Variants in CNOT6L observed in about 807,000 individuals in gnomAD.
CNOT6L encodes the protein CCR4-NOT transcription complex subunit 6 like.
Under a neutral mutation model 64.0 loss-of-function variants are expected in CNOT6L, and 7 were observed. The observed-to-expected ratio is 0.11, with a 90% CI of 0.06 to 0.21. The LOEUF (loss-of-function observed/expected upper bound fraction) is 0.21. Ranked by LOEUF, CNOT6L falls within the 10% of genes least tolerant of loss-of-function variation. CNOT6L has a pLI of 1.00. For synonymous variants in CNOT6L, 193 were observed against 243.4 expected (o/e 0.79, Z 1.93); for missense variants, 245 against 669.0 (o/e 0.37, Z 6.99).
intron 1 of CNOT6L, among the ~76,000 whole-genome samples, chr4:77,800,490 G>A (rs896350573): frequency 5.3e-5 from 8 of 151,312 alleles, no homozygotes; most frequent in Admixed American, 2.6e-4. Context: ...GCCTGTGAGC[G>A]ACAAAGCAAG....
At chr4:77,792,555 G>A (rs1469723952) in intron 1 of CNOT6L, among the ~76,000 whole-genome samples, 3 of 151,712 alleles carry the variant, frequency 2.0e-5, no homozygotes, top group Non-Finnish European at 4.4e-5. Flanking sequence ...GTGAAACCCC[G>A]TCTCTACTAA....
intron 11 of CNOT6L, among the ~76,000 whole-genome samples, chr4:77,724,184 CCT>C (rs1246230808): frequency 6.6e-6 from 1 of 151,218 alleles, no homozygotes; most frequent in Non-Finnish European, 1.5e-5. Context: ...AAAAAAAACC[CCT>C]CAAAAATACA....
At chr4:77,782,811 A>C (rs374650957) in intron 1 of CNOT6L, among the ~76,000 whole-genome samples, 2 of 152,078 alleles carry the variant, frequency 1.3e-5, no homozygotes, top group East Asian at 3.9e-4. Context: ...CACAACTATT[A>C]ATCATTACAA....
intron 2 of CNOT6L, 48 bp downstream of exon 2, chr4:77,776,223 G>T: frequency 1.3e-6 from 2 of 1,577,488 alleles, no homozygotes; most frequent in Non-Finnish European, 1.7e-6. Context: ...CTCAACTTTT[G>T]TATTATCACT....
rs1725467398 is a variant in CNOT6L, at chr4:77,755,554, A to G, written c.490+1308T>C. 2.0e-5 allele frequency among the ~76,000 whole-genome samples: 3 copies of G among 152,148 alleles called. No individual in the cohort carries two copies. In the South Asian group the frequency reaches 6.2e-4, roughly 32 times the overall value. ...AAAGTAAGTTAGAAACAGCATACACATGCTATGTATACAGCTTCATTAAAT... is the reference window on the plus strand; with the variant it reads ...AAAGTAAGTTAGAAACAGCATACACGTGCTATGTATACAGCTTCATTAAAT... On this transcript the variant is annotated intron_variant, in intron 5 of 11. Transcript: ENST00000504123.
At chr4:77,791,035 CG>C (rs1260939155) in intron 1 of CNOT6L, among the ~76,000 whole-genome samples, 1 of 151,920 alleles carries the variant, frequency 6.6e-6, no homozygotes, top group African/African-American at 2.4e-5. Context: ...CCCAGCACTT[CG>C]GGAGGCTGAG....
chr4:77,803,034 C>T (rs1731771290), intron 1 of CNOT6L, among the ~76,000 whole-genome samples: 1 of 151,874 alleles, frequency 6.6e-6, no homozygotes, highest in East Asian at 1.9e-4. Flanking sequence ...TAAACAAAGT[C>T]AAAAAACAAA....
Position 77,736,269 on chromosome 4 carries a change from TAA to T in CNOT6L, c.873-4733_873-4732del, listed in dbSNP as rs748649087. Among the ~76,000 whole-genome samples the T allele has an allele frequency of 1.6e-4, 24 of 152,314 alleles. No homozygotes were observed. In the East Asian group the frequency reaches 2.7e-3, roughly 17 times the overall value. On this transcript the variant is annotated intron_variant, in intron 8 of 11. Coordinates refer to ENST00000504123, the MANE Select transcript of CNOT6L (RefSeq NM_144571.3). The stretch of plus-strand genomic sequence containing the variant: ...AGAGTTGAAAACTAGTTGAACCAAA[TAA>T]AGTTCCTTCTTTCTAGTAAATAAGA...
intron 1 of CNOT6L, among the ~76,000 whole-genome samples, chr4:77,776,774 T>C (rs1018807861): frequency 4.6e-5 from 7 of 152,228 alleles, no homozygotes; most frequent in Admixed American, 1.3e-4. Context: ...GATATTCAGA[T>C]ATCCCATGCC....
chr4:77,734,748 A>G (rs1440766436), intron 8 of CNOT6L, among the ~76,000 whole-genome samples: 1 of 152,216 alleles, frequency 6.6e-6, no homozygotes, highest in Non-Finnish European at 1.5e-5. Context: ...TATGTAAGAT[A>G]GATGCACAAA....
chr4:77,760,442 A>G (rs1432665411), intron 4 of CNOT6L, among the ~76,000 whole-genome samples: 1 of 152,012 alleles, frequency 6.6e-6, no homozygotes, highest in Non-Finnish European at 1.5e-5. Flanking sequence ...AATTTGTAGG[A>G]TATGGAAAAA....
At chr4:77,802,998 T>C (rs1731764924) in intron 1 of CNOT6L, among the ~76,000 whole-genome samples, 1 of 152,192 alleles carries the variant, frequency 6.6e-6, no homozygotes, top group Non-Finnish European at 1.5e-5. Context: ...AAAAATTTAA[T>C]GTCTATAAGG....
upstream of CNOT6L, chr4:77,819,477 GC>G (rs1734052980): frequency 2.8e-6 from 4 of 1,412,952 alleles, no homozygotes; most frequent in Admixed American, 8.6e-5. Flanking sequence ...CCTCGCTCCC[GC>G]CCGCCCCGAG....
intron 6 of CNOT6L, among the ~76,000 whole-genome samples, chr4:77,746,681 CA>C (rs1435957010): frequency 1.3e-5 from 2 of 152,040 alleles, no homozygotes; most frequent in African/African-American, 4.8e-5. Context: ...CACTCATATT[CA>C]AAAGGGATTA....
At chr4:77,757,075 TTAATC>T (rs944940868) in intron 4 of CNOT6L, 124 bp from the exon 5 acceptor site, 17 of 517,228 alleles carry the variant, frequency 3.3e-5, no homozygotes, top group African/African-American at 3.1e-4. Context: ...TCTACTATAT[TTAATC>T]TATTATATAC....
At position 77,728,955 on chromosome 4, in the gene CNOT6L, T is replaced by C; in HGVS notation, c.1151A>G (p.Asn384Ser). 3 of 1,613,846 alleles carry C rather than the reference T, an allele frequency of 1.9e-6. No individual in the cohort carries two copies. The highest frequency in any genetic ancestry group is 1.1e-5 in the South Asian group (1 of 91,084). ...CCTACTAGAGGCTTTCTCCAGAATG[T>C]TTTTAACCTCTGAGACAAACATCAT... The part of the protein sequence containing the change: ...QTMMFVSEVK[N>S]ILEKASSRPG... The change falls in exon 10 of 12, where the codon AAC becomes AGC. Residue 384 changes from asparagine to serine, a missense_variant. Asn to Ser is a conservative substitution (Grantham distance 46). Transcript: ENST00000504123.
At chr4:77,796,584 A>G (rs1730877880) in intron 1 of CNOT6L, among the ~76,000 whole-genome samples, 1 of 152,104 alleles carries the variant, frequency 6.6e-6, no homozygotes, top group Admixed American at 6.6e-5. Context: ...ACCAGGAGTC[A>G]ATTAAACTTC....
intron 5 of CNOT6L, among the ~76,000 whole-genome samples, chr4:77,751,571 G>A (rs1365748265): frequency 6.6e-6 from 1 of 152,066 alleles, no homozygotes; most frequent in East Asian, 1.9e-4. Flanking sequence ...AATATCAAGA[G>A]CCCAAAGAAA....
At chr4:77,750,366 T>C (rs1447777886) in intron 5 of CNOT6L, among the ~76,000 whole-genome samples, 4 of 152,194 alleles carry the variant, frequency 2.6e-5, no homozygotes, top group African/African-American at 9.6e-5. Flanking sequence ...CAGTTTGTTT[T>C]TTTTTGAGAC....
Sources: gnomAD v4.1 joint callset for allele counts (sites outside exome capture counted in the v4.1 genomes callset) on GRCh38, gnomAD v4.1.1 for gene constraint, MANE v1.5 for transcripts, NCBI Gene and HGNC (gene_info 2026-07-23, HGNC 2026-07-21) for gene names.